The following BICC1 variants were observed in gnomAD, a reference collection of about 807,000 sequenced individuals.
BICC1 encodes protein bicaudal C homolog 1.
In BICC1, 43 loss-of-function variants were observed where a neutral mutation model predicts 111.0. That is an observed-to-expected ratio of 0.39 (90% CI 0.30 to 0.50). The LOEUF (loss-of-function observed/expected upper bound fraction) is 0.50, where lower values mean the gene tolerates loss of function less well. BICC1 is among the 20% of genes least tolerant of loss of function. BICC1 has a pLI of 0.88. For synonymous variants in BICC1, 467 were observed against 434.4 expected (o/e 1.07, Z -0.93); for missense variants, 1,091 against 1,203.2 (o/e 0.91, Z 1.38).
chr10:58,567,085 C>T (rs948158544), intron 1 of BICC1, among the ~76,000 whole-genome samples: 2 of 152,122 alleles, frequency 1.3e-5, no homozygotes, highest in Admixed American at 6.6e-5. Flanking sequence ...TCTTTGGAGG[C>T]CTGCAGAATC....
chr10:58,737,099 A>G (rs190058219), intron 3 of BICC1, among the ~76,000 whole-genome samples: 2 of 151,972 alleles, frequency 1.3e-5, no homozygotes, highest in Non-Finnish European at 2.9e-5. Context: ...ACTTTCTGTG[A>G]TTTTTTAAAA....
Position 58,796,762 on chromosome 10 carries a change from A to G in BICC1, c.1366+236A>G, listed in dbSNP as rs1393976151. 3.3e-5 allele frequency among the ~76,000 whole-genome samples: 5 copies of G among 151,950 alleles called. No individual in the cohort carries two copies. The East Asian group carries it at 9.6e-4, about 29-fold the overall frequency. On this transcript the variant is annotated intron_variant, in intron 10 of 20. Coordinates refer to ENST00000373886, the MANE Select transcript of BICC1 (RefSeq NM_001080512.3). Reference sequence around the variant, plus strand: ...TAAATAATCAAGGTCTGACTATTTTATTTTCGGTGGCTGTGTTTGTTCTAA... The same window carrying G: ...TAAATAATCAAGGTCTGACTATTTTGTTTTCGGTGGCTGTGTTTGTTCTAA...
intron 3 of BICC1, among the ~76,000 whole-genome samples, chr10:58,705,726 G>A (rs935180587): frequency 1.3e-5 from 2 of 152,136 alleles, no homozygotes; most frequent in African/African-American, 2.4e-5. Flanking sequence ...AGATTCAGGG[G>A]TACATGTGCA....
At chr10:58,673,252 G>A (rs2132330391) in intron 2 of BICC1, among the ~76,000 whole-genome samples, 1 of 152,224 alleles carries the variant, frequency 6.6e-6, no homozygotes, top group South Asian at 2.1e-4. Context: ...TACATGTAGA[G>A]TGCAGTAGGT....
chr10:58,707,315 CTAGT>C (rs1840413420), intron 3 of BICC1, among the ~76,000 whole-genome samples: 1 of 151,934 alleles, frequency 6.6e-6, no homozygotes, highest in Admixed American at 6.6e-5. Flanking sequence ...TCATAGTGAA[CTAGT>C]TAGTTGAGGG....
At chr10:58,751,691 A>G (rs867750250) in intron 3 of BICC1, among the ~76,000 whole-genome samples, 4 of 152,304 alleles carry the variant, frequency 2.6e-5, no homozygotes, top group East Asian at 3.9e-4. Context: ...GTCAAAATAC[A>G]TATTCTGCTT....
At chr10:58,724,929 G>A (rs1445799638) in intron 3 of BICC1, among the ~76,000 whole-genome samples, 4 of 152,190 alleles carry the variant, frequency 2.6e-5, no homozygotes, top group East Asian at 1.9e-4. Context: ...ATTGCCAGTC[G>A]TGGCTGTCTA....
intron 3 of BICC1, among the ~76,000 whole-genome samples, chr10:58,717,134 C>T (rs777193945): frequency 2.0e-5 from 3 of 152,260 alleles, no homozygotes; most frequent in South Asian, 2.1e-4. Context: ...TGGTACTTTT[C>T]GAACTTGATA....
chr10:58,814,310 G>T (rs1428591073), intron 18 of BICC1: 1 of 592,164 alleles, frequency 1.7e-6, no homozygotes, highest in Non-Finnish European at 3.0e-6. Flanking sequence ...CATTTATGAA[G>T]TGTCCATGTG....
At chr10:58,599,882 C>G (rs373239066) in intron 1 of BICC1, among the ~76,000 whole-genome samples, 33 of 151,878 alleles carry the variant, frequency 2.2e-4, no homozygotes, top group East Asian at 1.7e-3. Flanking sequence ...CACTCCTGCT[C>G]TGACTAACAT....
intron 20 of BICC1, among the ~76,000 whole-genome samples, chr10:58,820,875 T>C (rs1899979): frequency 0.72 from 109,195 of 152,002 alleles, 39,371 homozygotes; most frequent in Admixed American, 0.75. Flanking sequence ...CTGAGTTCAT[T>C]GCACTGAGAA....
At chr10:58,603,592 A>C (rs980099202) in intron 1 of BICC1, among the ~76,000 whole-genome samples, 4 of 152,184 alleles carry the variant, frequency 2.6e-5, no homozygotes, top group Admixed American at 1.3e-4. Context: ...TGTCCAATGA[A>C]AAAATATACA....
At chr10:58,725,416 T>C (rs1457134093) in intron 3 of BICC1, among the ~76,000 whole-genome samples, 7 of 152,188 alleles carry the variant, frequency 4.6e-5, no homozygotes, top group African/African-American at 1.7e-4. Context: ...ACCTCTGTCT[T>C]GACTGTGGTC....
intron 2 of BICC1, among the ~76,000 whole-genome samples, chr10:58,647,010 C>T (rs921314768): frequency 1.3e-5 from 2 of 151,982 alleles, no homozygotes; most frequent in East Asian, 3.9e-4. Context: ...AAGTAAAGAA[C>T]AGCCAAATTC....
At chr10:58,731,133 A>G (rs1057095630) in intron 3 of BICC1, among the ~76,000 whole-genome samples, 2 of 152,030 alleles carry the variant, frequency 1.3e-5, no homozygotes, top group Admixed American at 1.3e-4. Context: ...AACTTTTTTT[A>G]CCAGATACTC....
chr10:58,713,759 G>A (rs1383029839), intron 3 of BICC1, among the ~76,000 whole-genome samples: 1 of 152,194 alleles, frequency 6.6e-6, no homozygotes, highest in African/African-American at 2.4e-5. Context: ...GCAATCTTGG[G>A]TAATTCCTCA....
chr10:58,748,557 G>C (rs1163714113), intron 3 of BICC1, among the ~76,000 whole-genome samples: 1 of 133,652 alleles, frequency 7.5e-6, no homozygotes, highest in East Asian at 2.6e-4. Flanking sequence ...CTTGACGTAG[G>C]GTGGAAAATA....
chr10:58,619,975 C>G (rs970397654), intron 1 of BICC1, among the ~76,000 whole-genome samples: 1 of 152,160 alleles, frequency 6.6e-6, no homozygotes, highest in African/African-American at 2.4e-5. Context: ...TCCAGTAGTT[C>G]TCACTTCAGT....
rs565542706 is a variant in BICC1 at position 58,525,898 on chromosome 10, G to GAA, written c.190+12565_190+12566insAA. 3.5e-3 allele frequency among the ~76,000 whole-genome samples: 537 copies of GAA among 151,976 alleles called. 4 individuals carry two copies. Among genetic ancestry groups the GAA allele is most frequent in the African/African-American group, 0.012 (505 of 41,490 alleles). On this transcript the variant is annotated intron_variant, in intron 1 of 20. Coordinates refer to ENST00000373886, the MANE Select transcript of BICC1 (RefSeq NM_001080512.3). ...TAAATGTTTTCTGTATTTCTAAGCA[G>GAA]TTTTCAGAATTCTGTGGTTGAATAA... is the stretch of plus-strand genomic sequence containing the variant.
Sources: allele counts gnomAD v4.1 joint callset (sites outside exome capture counted in the v4.1 genomes callset), GRCh38; gene constraint gnomAD v4.1.1; transcripts MANE v1.5; gene names NCBI Gene and HGNC (gene_info 2026-07-23, HGNC 2026-07-21).